The following PRKG1 variants were observed in gnomAD, a reference collection of about 807,000 sequenced individuals.
PRKG1 encodes cGMP-dependent protein kinase 1.
Under a neutral mutation model 88.1 loss-of-function variants are expected in PRKG1, and 35 were observed. That is an observed-to-expected ratio of 0.40 (90% confidence interval 0.30 to 0.53). The LOEUF is 0.53. Ranked by LOEUF, PRKG1 falls within the 20% of genes least tolerant of loss-of-function variation. The probability of loss-of-function intolerance (pLI) is 0.59; values close to 1 mark genes in which losing one functional copy is unlikely to be tolerated. For missense variants in PRKG1, 540 were observed against 839.8 expected (o/e 0.64, Z 4.41); for synonymous variants, 303 against 292.5 (o/e 1.04, Z -0.37).
Position 51,858,310 on chromosome 10 carries a change from A to ATG in PRKG1, c.699-49195_699-49194dup, listed in dbSNP as rs1297360550. 1.1e-4 allele frequency among the ~76,000 whole-genome samples: 2 copies of ATG among 17,754 alleles called. 1 individual carries two copies. Among genetic ancestry groups the ATG allele is most frequent in the Non-Finnish European group, 2.2e-4 (2 of 9,300 alleles). The allele number at this position is 17,754 out of a possible 152,430, so 11.6% of individuals were successfully genotyped here. A position where few individuals can be genotyped will look rare whatever the true frequency, so the allele number is the denominator to read the frequency against. On this transcript the variant is annotated intron_variant, in intron 4 of 17. Transcript: ENST00000373980. ...AATTATACATATGTATAATATATAT[A>ATG]TGTATAATATGTATTATATATAATA...
At chr10:51,132,689 T>C (rs1183140909) in intron 1 of PRKG1, among the ~76,000 whole-genome samples, 1 of 147,946 alleles carries the variant, frequency 6.8e-6, no homozygotes, top group Admixed American at 6.8e-5. Flanking sequence ...GTATGTATTT[T>C]ATATATTATA....
intron 2 of PRKG1, among the ~76,000 whole-genome samples, chr10:51,426,676 A>T (rs1287065375): frequency 6.6e-6 from 1 of 152,172 alleles, no homozygotes; most frequent in East Asian, 1.9e-4. Context: ...TCCAAAAGAC[A>T]AAAATATATG....
rs768248166 is a variant in PRKG1 at position 51,699,556 on chromosome 10, G to T, written c.593-105029G>T. ...TCACCGCCAAACTCGACATGATTCC[G>T]GTTGTGCAGACAGCCGATAGCGGAT... On this transcript the variant is annotated intron_variant, in intron 3 of 17. Coordinates refer to ENST00000373980, the MANE Select transcript of PRKG1 (RefSeq NM_006258.4). The T allele has an allele frequency of 6.9e-6, 11 of 1,603,814 alleles. No homozygotes were observed. In the African/African-American group the frequency reaches 1.1e-4, roughly 16 times the overall value.
chr10:50,991,242 C>A lies in PRKG1; in HGVS notation c.-137C>A. On this transcript the variant is annotated 5_prime_UTR_variant, in exon 1 of 18. Coordinates refer to the PRKG1 transcript ENST00000401604. This position sits in a 1 kb window ranked among gnomAD's most constrained non-coding sequence, Gnocchi z 4.5. Reference sequence around the variant, plus strand: ...CCCGCGCCGCATTAGGGGCGCACTCCGCCGCGCTCGAGTACTTAGCGCCCA... The same window carrying A: ...CCCGCGCCGCATTAGGGGCGCACTCAGCCGCGCTCGAGTACTTAGCGCCCA... 1 of 1,302,044 alleles carries A rather than the reference C, an allele frequency of 7.7e-7. No individual in the cohort carries two copies. Among genetic ancestry groups the A allele is most frequent in the Non-Finnish European group, 1.0e-6 (1 of 982,220 alleles). The allele number at this position is 1,302,044 out of a possible 1,614,324, so 80.7% of individuals were successfully genotyped here. A position where few individuals can be genotyped will look rare whatever the true frequency, so the allele number is the denominator to read the frequency against.
chr10:51,234,226 A>C (rs35208500), intron 2 of PRKG1, among the ~76,000 whole-genome samples: 1 of 151,972 alleles, frequency 6.6e-6, no homozygotes, highest in Non-Finnish European at 1.5e-5. Context: ...CCACTTCCTC[A>C]CTATGGAACC....
intron 5 of PRKG1, among the ~76,000 whole-genome samples, chr10:51,940,140 T>C (rs1842875534): frequency 6.6e-6 from 1 of 151,930 alleles, no homozygotes. Flanking sequence ...TTCTCTTTAT[T>C]CTTTGCAAGA....
intron 3 of PRKG1, among the ~76,000 whole-genome samples, chr10:51,563,599 G>T (rs1157806062): frequency 6.7e-6 from 1 of 149,896 alleles, no homozygotes; most frequent in Non-Finnish European, 1.5e-5. Context: ...TGTAACAACA[G>T]CAACAGAACG....
chr10:51,866,337 A>G (rs72799476), intron 4 of PRKG1, among the ~76,000 whole-genome samples: 7,612 of 152,166 alleles, frequency 0.05, 245 homozygotes, highest in Admixed American at 0.11. Context: ...ATTTGAAACC[A>G]TAGATATATA....
intron 1 of PRKG1, among the ~76,000 whole-genome samples, chr10:51,127,042 G>A (rs1273137337): frequency 6.6e-6 from 1 of 152,104 alleles, no homozygotes; most frequent in Admixed American, 6.6e-5. Context: ...CGTTCAAGAT[G>A]TAGGCATGGA....
intron 3 of PRKG1, among the ~76,000 whole-genome samples, chr10:51,765,217 A>G (rs1838127288): frequency 6.6e-6 from 1 of 152,188 alleles, no homozygotes; most frequent in African/African-American, 2.4e-5. Flanking sequence ...TGAGGGAAAA[A>G]AGAATGCTGA....
At chr10:51,783,506 T>C (rs1268957461) in intron 3 of PRKG1, among the ~76,000 whole-genome samples, 1 of 152,056 alleles carries the variant, frequency 6.6e-6, no homozygotes, top group Non-Finnish European at 1.5e-5. Context: ...GGTCTCAAAC[T>C]CCTAATTTCA....
chr10:52,153,433 T>C (rs1329098804), intron 8 of PRKG1, among the ~76,000 whole-genome samples: 5 of 152,172 alleles, frequency 3.3e-5, no homozygotes, highest in Non-Finnish European at 5.9e-5. Flanking sequence ...AAAACCACAA[T>C]TTATGAGTGA....
intron 2 of PRKG1, among the ~76,000 whole-genome samples, chr10:51,259,273 TC>T (rs764771992): frequency 6.6e-6 from 1 of 152,228 alleles, no homozygotes; most frequent in Non-Finnish European, 1.5e-5. Context: ...GCATGCCATT[TC>T]TTGTGAAGAA....
intron 3 of PRKG1, among the ~76,000 whole-genome samples, chr10:51,664,877 A>G (rs1439188852): frequency 6.6e-6 from 1 of 152,200 alleles, no homozygotes; most frequent in Non-Finnish European, 1.5e-5. Flanking sequence ...AGAGGATGTC[A>G]GTGGACATTT....
At position 52,087,311 on chromosome 10, in the gene PRKG1, A is replaced by G. The variant is rs753314140; in HGVS notation, c.935+24680A>G. Among the ~76,000 whole-genome samples, 56 of 152,154 alleles carry G rather than the reference A, an allele frequency of 3.7e-4. 1 individual carries two copies. The highest frequency in any genetic ancestry group is 2.0e-4 in the Admixed American group (3 of 15,272). ...TGAATGAAATTGATAATTTAAAAAT[A>G]TATTTTGTTAATTCCTTGGTCATGA... On this transcript the variant is annotated intron_variant, in intron 7 of 17. Coordinates refer to ENST00000373980, the MANE Select transcript of PRKG1 (RefSeq NM_006258.4).
chr10:51,158,905 T>C (rs1488280376), intron 2 of PRKG1, among the ~76,000 whole-genome samples: 1 of 151,950 alleles, frequency 6.6e-6, no homozygotes, highest in East Asian at 1.9e-4. Context: ...CTAAGTGTTA[T>C]GTGATTATTC....
At chr10:51,197,792 A>G (rs1246496321) in intron 2 of PRKG1, among the ~76,000 whole-genome samples, 3 of 149,860 alleles carry the variant, frequency 2.0e-5, no homozygotes, top group Non-Finnish European at 3.0e-5. Context: ...GCAGCTTAGC[A>G]GGTTTAAGAG....
At chr10:51,726,225 A>G (rs1394404988) in intron 3 of PRKG1, among the ~76,000 whole-genome samples, 1 of 152,044 alleles carries the variant, frequency 6.6e-6, no homozygotes, top group Non-Finnish European at 1.5e-5. Flanking sequence ...TTTACACATC[A>G]CTATGCTATG....
chr10:52,056,743 TA>T (rs1206476755), intron 6 of PRKG1, among the ~76,000 whole-genome samples: 2 of 152,118 alleles, frequency 1.3e-5, no homozygotes, highest in Non-Finnish European at 2.9e-5. Context: ...GTAAATTACA[TA>T]ATAATTGTAT....
Sources: allele counts gnomAD v4.1 joint callset (sites outside exome capture counted in the v4.1 genomes callset), GRCh38; gene constraint gnomAD v4.1.1; non-coding constraint Gnocchi (gnomAD v3.1); transcripts MANE v1.5; gene names NCBI Gene and HGNC (gene_info 2026-07-23, HGNC 2026-07-21).